PUS7L: variants seen among roughly 807,000 people sequenced by gnomAD.
PUS7L encodes pseudouridine synthase 7 like, also known as pseudouridylate synthase PUS7L.
In PUS7L, 49 loss-of-function variants were observed where a neutral mutation model predicts 51.1. The observed-to-expected ratio is 0.96, with a 90% CI of 0.76 to 1.22. The LOEUF is 1.22. Ranked by LOEUF, PUS7L falls within the 50% of genes most tolerant of loss-of-function variation. PUS7L has a pLI of 0.00. For missense variants in PUS7L, 828 were observed against 820.6 expected (o/e 1.01, Z -0.11); for synonymous variants, 277 against 276.2 (o/e 1.00, Z -0.03).
chr12:43,750,925 G>C (rs1938410775), intron 2 of PUS7L, among the ~76,000 whole-genome samples: 1 of 152,184 alleles, frequency 6.6e-6, no homozygotes, highest in African/African-American at 2.4e-5. Context: ...TTGTAGAGAA[G>C]AAGTTCCAGA....
chr12:43,748,515 T>C lies in PUS7L; in HGVS notation c.1005A>G (p.Ala335=). ...LGVIPSDFSY[A]GLKDKKAITY... Reference sequence around the variant, plus strand: ...TGATGGCTTTCTTGTCTTTAAGGCCTGCATAACTAAAATCCGAAGGAATAA... The same window carrying C: ...TGATGGCTTTCTTGTCTTTAAGGCCCGCATAACTAAAATCCGAAGGAATAA... The change falls in exon 3 of 9, where the codon GCA becomes GCG. Residue 335 remains alanine, a synonymous_variant. Coordinates refer to ENST00000344862, the MANE Select transcript of PUS7L (RefSeq NM_031292.5). The C allele has an allele frequency of 1.2e-6, 2 of 1,612,002 alleles. No individual in the cohort carries two copies. Among genetic ancestry groups the C allele is most frequent in the Non-Finnish European group, 1.7e-6 (2 of 1,179,328 alleles).
chr12:43,719,389 C>T lies in PUS7L; in HGVS notation c.*10987G>A, dbSNP rs995318657. The T allele has an allele frequency of 2.0e-5, 3 of 152,030 alleles. No homozygotes were observed. The highest frequency in any genetic ancestry group is 4.4e-5 in the Non-Finnish European group (3 of 68,016). The allele number at this position is 152,030 out of a possible 1,614,324, so 9.4% of individuals were successfully genotyped here. A position where few individuals can be genotyped will look rare whatever the true frequency, so the allele number is the denominator to read the frequency against. ...TTATAAAAGTTGAAATAAAGCTAAC[C>T]TTGGAGTTGAGGACTTGTGATTAAA... On this transcript the variant is annotated 3_prime_UTR_variant, in exon 9 of 9. Coordinates refer to ENST00000344862, the MANE Select transcript of PUS7L (RefSeq NM_031292.5).
Position 43,736,369 on chromosome 12 carries a change from A to C in PUS7L, c.1725+12T>G, listed in dbSNP as rs1316451847. On this transcript the variant is annotated intron_variant, in intron 7 of 8. Coordinates refer to ENST00000344862, the MANE Select transcript of PUS7L (RefSeq NM_031292.5). ...AACTACTCTTGGAAAACTCTGATGGAATGATACTTACTTTACTATTTGGGA... is the reference window on the plus strand; with the variant it reads ...AACTACTCTTGGAAAACTCTGATGGCATGATACTTACTTTACTATTTGGGA... 1.2e-6 allele frequency: 2 copies of C among 1,610,580 alleles called. No homozygotes were observed. Among genetic ancestry groups the C allele is most frequent in the Non-Finnish European group, 8.5e-7 (1 of 1,177,604 alleles).
At position 43,726,403 on chromosome 12, in the gene PUS7L, G is replaced by T. The variant is rs1417869115; in HGVS notation, c.*3973C>A. The T allele has an allele frequency of 6.6e-6, 1 of 152,112 alleles. No homozygotes were observed. Among genetic ancestry groups the T allele is most frequent in the African/African-American group, 2.4e-5 (1 of 41,430 alleles). The allele number at this position is 152,112 out of a possible 1,614,324, so 9.4% of individuals were successfully genotyped here. A position where few individuals can be genotyped will look rare whatever the true frequency, so the allele number is the denominator to read the frequency against. On this transcript the variant is annotated 3_prime_UTR_variant, in exon 9 of 9. Transcript: ENST00000344862. The stretch of plus-strand genomic sequence containing the variant: ...ATATACAAAAATCAACTCAAGATGG[G>T]TTAACAATGTAAATGTAAAACCTAA...
chr12:43,736,328 C>A (rs1046758600), intron 7 of PUS7L, 53 bp downstream of exon 7: 12 of 1,476,434 alleles, frequency 8.1e-6, no homozygotes, highest in Non-Finnish European at 9.3e-6. Context: ...TTGAAAAATT[C>A]ATGTTCTGGT....
chr12:43,756,095 T>C (rs886599503), intron 1 of PUS7L, among the ~76,000 whole-genome samples: 1 of 152,220 alleles, frequency 6.6e-6, no homozygotes, highest in Non-Finnish European at 1.5e-5. Flanking sequence ...ATCTGGACCA[T>C]CATCTCATAC....
chr12:43,719,323 A>C lies in PUS7L; in HGVS notation c.*11053T>G, dbSNP rs559089875. 1 of 152,338 alleles carries C rather than the reference A, an allele frequency of 6.6e-6. No homozygotes were observed. Among genetic ancestry groups the C allele is most frequent in the African/African-American group, 2.4e-5 (1 of 41,576 alleles). 9.4% of individuals were successfully genotyped at this position (152,338 alleles called of 1,614,324 possible). ...AAAACTGTGTATTTTTTAGGAATGA[A>C]TACATGGGTGGTAAAGCTATCAAGA... On this transcript the variant is annotated 3_prime_UTR_variant, in exon 9 of 9. Transcript: ENST00000344862.
intron 7 of PUS7L, among the ~76,000 whole-genome samples, chr12:43,735,779 T>C (rs1592161800): frequency 6.6e-6 from 1 of 152,066 alleles, no homozygotes; most frequent in Non-Finnish European, 1.5e-5. Context: ...ATCTGTAATG[T>C]TTTTATTTTT....
At chr12:43,748,702 A>G in intron 2 of PUS7L, 93 bp from the exon 3 acceptor site, 1 of 1,021,828 alleles carries the variant, frequency 9.8e-7, no homozygotes, top group South Asian at 1.8e-5. Context: ...AAATCAAACT[A>G]TTAATCTAAG....
chr12:43,752,597 CT>C, intron 2 of PUS7L, among the ~76,000 whole-genome samples: 1 of 152,278 alleles, frequency 6.6e-6, no homozygotes. Context: ...ATAGATGAAT[CT>C]CGACAACATA....
In PUS7L at chr12:43,730,451, A is replaced by G. The variant is rs886858887; in HGVS notation, c.2031T>C (p.Leu677=). 6.2e-7 allele frequency: 1 copy of G among 1,613,908 alleles called. No homozygotes were observed. Among genetic ancestry groups the G allele is most frequent in the Non-Finnish European group, 8.5e-7 (1 of 1,179,852 alleles). Residue 677 remains leucine, a synonymous_variant, in exon 9 of 9, where the codon CTT becomes CTC. Transcript: ENST00000344862. ...GSHIDETALS[L]LISFDLDASC... ...AAGCATCAAGATCAAAAGAGATCAA[A>G]AGAGACAAAGCTGTTTCATCAATGT... is the stretch of plus-strand genomic sequence containing the variant.
intron 4 of PUS7L, among the ~76,000 whole-genome samples, chr12:43,744,610 A>G (rs1322586344): frequency 6.6e-6 from 1 of 152,224 alleles, no homozygotes; most frequent in Non-Finnish European, 1.5e-5. Flanking sequence ...AACAAAACAT[A>G]TAAAGAGTAT....
At chr12:43,758,665 CCACACACA>C (rs1170580148) in intron 1 of PUS7L, 57 bp downstream of exon 1, 20,929 of 539,410 alleles carry the variant, frequency 0.039, 1,464 homozygotes, top group East Asian at 0.051. Flanking sequence ...CCCCCCCCCC[CCACACACA>C]CACACACACA....
At chr12:43,753,431 A>T (rs1938548606) in intron 2 of PUS7L, among the ~76,000 whole-genome samples, 1 of 152,170 alleles carries the variant, frequency 6.6e-6, no homozygotes, top group African/African-American at 2.4e-5. Context: ...AATCAAACCC[A>T]CATAGTTCCA....
At chr12:43,744,198 T>C (rs1471105308) in intron 4 of PUS7L, among the ~76,000 whole-genome samples, 1 of 152,226 alleles carries the variant, frequency 6.6e-6, no homozygotes, top group Non-Finnish European at 1.5e-5. Flanking sequence ...GAATTTTAGG[T>C]GGGTCAAGGA....
At chr12:43,737,285 A>C (rs1003776380) in intron 6 of PUS7L, among the ~76,000 whole-genome samples, 2 of 152,060 alleles carry the variant, frequency 1.3e-5, no homozygotes, top group African/African-American at 2.4e-5. Context: ...TCATCTCGGG[A>C]CTCTATAACA....
intron 7 of PUS7L, among the ~76,000 whole-genome samples, chr12:43,732,947 T>C (rs1395006909): frequency 6.6e-6 from 1 of 152,228 alleles, no homozygotes; most frequent in Non-Finnish European, 1.5e-5. Context: ...GCCTTTTTTC[T>C]TTCACAGAGT....
At chr12:43,755,933 C>A (rs934707376) in intron 1 of PUS7L, among the ~76,000 whole-genome samples, 1 of 152,188 alleles carries the variant, frequency 6.6e-6, no homozygotes, top group African/African-American at 2.4e-5. Context: ...TTCCTGGAAA[C>A]ACTATGCAAG....
At chr12:43,733,915 C>T (rs184887431) in intron 7 of PUS7L, among the ~76,000 whole-genome samples, 2 of 152,166 alleles carry the variant, frequency 1.3e-5, no homozygotes, top group East Asian at 3.9e-4. Context: ...CATTTCTTTC[C>T]TATTAGGTTG....
Sources: gnomAD v4.1 joint callset for allele counts (sites outside exome capture counted in the v4.1 genomes callset) on GRCh38, gnomAD v4.1.1 for gene constraint, MANE v1.5 for transcripts, NCBI Gene and HGNC (gene_info 2026-07-23, HGNC 2026-07-21) for gene names.